Variants in EEPD1 observed in about 807,000 individuals in gnomAD.
EEPD1 encodes endonuclease/exonuclease/phosphatase family domain containing 1.
A neutral mutation model predicts 46.3 loss-of-function variants in EEPD1; 17 were observed. The ratio of observed to expected loss-of-function variants is 0.37; its 90% CI spans 0.25 to 0.55. The LOEUF (loss-of-function observed/expected upper bound fraction) is 0.55, where lower values mean the gene tolerates loss of function less well. Ranked by LOEUF, EEPD1 falls within the 20% of genes least tolerant of loss-of-function variation. EEPD1 has a pLI of 0.83. For synonymous variants in EEPD1, 313 were observed against 315.6 expected (o/e 0.99, Z 0.09); for missense variants, 673 against 745.6 (o/e 0.90, Z 1.13).
At chr7:36,208,325 C>T (rs1370871167) in intron 2 of EEPD1, among the ~76,000 whole-genome samples, 1 of 152,244 alleles carries the variant, frequency 6.6e-6, no homozygotes, top group East Asian at 1.9e-4. Context: ...CCCCCTCCCT[C>T]ATTTGCTTCA....
chr7:36,289,336 G>A (rs914482329), intron 6 of EEPD1, among the ~76,000 whole-genome samples: 7 of 151,948 alleles, frequency 4.6e-5, no homozygotes, highest in Non-Finnish European at 7.4e-5. Flanking sequence ...CTCCCCATGC[G>A]CCCCTCCCTG....
In EEPD1 at chr7:36,240,358, T is replaced by G. The variant is rs76636124; in HGVS notation, c.930+1322T>G. 1.6e-4 allele frequency among the ~76,000 whole-genome samples: 24 copies of G among 152,234 alleles called. No homozygotes were observed. The East Asian group carries it at 4.6e-3, about 29-fold the overall frequency. ...TTAAAATGAACACCAACCAGTGGTG[T>G]GAGGGAAGAATGAGGTCTGAGCACT... On this transcript the variant is annotated intron_variant, in intron 3 of 7. Coordinates refer to ENST00000242108, the MANE Select transcript of EEPD1 (RefSeq NM_030636.3).
At chr7:36,165,837 A>G (rs1030945323) in intron 2 of EEPD1, among the ~76,000 whole-genome samples, 1 of 152,152 alleles carries the variant, frequency 6.6e-6, no homozygotes, top group Non-Finnish European at 1.5e-5. Context: ...TTTGACTCAA[A>G]TTGATACATT....
chr7:36,192,969 G>T (rs1017173271), intron 2 of EEPD1, among the ~76,000 whole-genome samples: 1 of 152,228 alleles, frequency 6.6e-6, no homozygotes, highest in Non-Finnish European at 1.5e-5. Flanking sequence ...GGTTTCCTGG[G>T]TGGGGCTTGG....
chr7:36,298,928 C>T (rs915021559), intron 7 of EEPD1, 79 bp from the exon 8 acceptor site: 7 of 1,527,068 alleles, frequency 4.6e-6, no homozygotes, highest in Non-Finnish European at 6.3e-6. Context: ...GCGGTGTGAC[C>T]CTCCACCTGC....
At chr7:36,212,640 C>G (rs910197729) in intron 2 of EEPD1, among the ~76,000 whole-genome samples, 21 of 149,570 alleles carry the variant, frequency 1.4e-4, no homozygotes, top group African/African-American at 5.1e-4. Context: ...TGGGAGCCGA[C>G]TACACAAGAG....
chr7:36,236,438 C>T (rs923560468), intron 2 of EEPD1, among the ~76,000 whole-genome samples: 9 of 152,226 alleles, frequency 5.9e-5, no homozygotes, highest in Admixed American at 4.6e-4. Flanking sequence ...GTTCCCTCTT[C>T]GCGGGATTGT....
intron 2 of EEPD1, among the ~76,000 whole-genome samples, chr7:36,216,592 CAATT>C (rs1224815376): frequency 2.6e-5 from 4 of 152,172 alleles, no homozygotes; most frequent in Admixed American, 6.5e-5. Flanking sequence ...TTGTTTGAAA[CAATT>C]AAAGTTGTGC....
chr7:36,297,308 T>G (rs1428509231), intron 7 of EEPD1, 121 bp downstream of exon 7: 28 of 1,087,590 alleles, frequency 2.6e-5, no homozygotes, highest in Non-Finnish European at 3.6e-5. Context: ...TTTACGTGAC[T>G]GTATAACTGT....
intron 2 of EEPD1, among the ~76,000 whole-genome samples, chr7:36,222,597 C>T (rs2115748683): frequency 6.6e-6 from 1 of 152,170 alleles, no homozygotes; most frequent in South Asian, 2.1e-4. Context: ...AGTACAATAA[C>T]AAAATACTAT....
intron 2 of EEPD1, among the ~76,000 whole-genome samples, chr7:36,170,165 G>A (rs1035051668): frequency 6.6e-6 from 1 of 152,194 alleles, no homozygotes; most frequent in African/African-American, 2.4e-5. Flanking sequence ...AGCACTTTGC[G>A]AGGCCGAGGC....
At chr7:36,159,648 C>T (rs960789899) in intron 2 of EEPD1, among the ~76,000 whole-genome samples, 1 of 152,238 alleles carries the variant, frequency 6.6e-6, no homozygotes, top group Admixed American at 6.5e-5. Flanking sequence ...ACATTTCCTC[C>T]CTGCCTTTGG....
At chr7:36,272,508 T>TGTTG (rs56338724) in intron 3 of EEPD1, among the ~76,000 whole-genome samples, 138 of 140,158 alleles carry the variant, frequency 9.8e-4, no homozygotes, top group Non-Finnish European at 1.7e-3. Context: ...TTGTTGTTGT[T>TGTTG]TTTTTTTTTT....
intron 6 of EEPD1, among the ~76,000 whole-genome samples, chr7:36,292,683 T>C (rs1472059748): frequency 2.0e-5 from 3 of 152,022 alleles, no homozygotes; most frequent in Non-Finnish European, 4.4e-5. Context: ...GATTTTTGCA[T>C]CTTTAGTAGA....
chr7:36,298,980 C>T (rs11773889), intron 7 of EEPD1, 27 bp from the exon 8 acceptor site: 343,249 of 1,609,650 alleles, frequency 0.21, 38,850 homozygotes, highest in Non-Finnish European at 0.24. Flanking sequence ...TCCTGATTCC[C>T]GGTCTCTTTC....
At chr7:36,157,615 C>A (rs533102865) in intron 2 of EEPD1, among the ~76,000 whole-genome samples, 1 of 152,182 alleles carries the variant, frequency 6.6e-6, no homozygotes, top group Non-Finnish European at 1.5e-5. Context: ...GAAGGTGACC[C>A]GCACCGTCAC....
intron 3 of EEPD1, among the ~76,000 whole-genome samples, chr7:36,264,897 C>G (rs1179706755): frequency 7.3e-6 from 1 of 137,650 alleles, no homozygotes; most frequent in African/African-American, 2.7e-5. Flanking sequence ...ACCTATAGTT[C>G]TTGCTGCCCA....
At chr7:36,250,455 G>C (rs1404128017) in intron 3 of EEPD1, among the ~76,000 whole-genome samples, 3 of 152,120 alleles carry the variant, frequency 2.0e-5, no homozygotes, top group African/African-American at 7.2e-5. Flanking sequence ...GGCCCTTCTA[G>C]ATCAGAACAA....
At chr7:36,271,900 G>A (rs988904014) in intron 3 of EEPD1, among the ~76,000 whole-genome samples, 2 of 131,098 alleles carry the variant, frequency 1.5e-5, no homozygotes, top group African/African-American at 5.9e-5. Flanking sequence ...TATTCTATTC[G>A]AGACAGAGTC....
Sources: gnomAD v4.1 joint callset for allele counts (sites outside exome capture counted in the v4.1 genomes callset) on GRCh38, gnomAD v4.1.1 for gene constraint, MANE v1.5 for transcripts, NCBI Gene and HGNC (gene_info 2026-07-23, HGNC 2026-07-21) for gene names.